Variants in MAP3K7 observed in about 807,000 individuals in gnomAD.
MAP3K7 encodes TGF-beta activated kinase 1.
MAP3K7 carries 21 observed loss-of-function variants against 84.8 expected under a neutral mutation model. That is an observed-to-expected ratio of 0.25 (90% CI 0.18 to 0.36). MAP3K7 has a LOEUF of 0.36. MAP3K7 is among the 10% of genes least tolerant of loss of function. The pLI is 1.00. For synonymous variants in MAP3K7, 241 were observed against 247.7 expected (o/e 0.97, Z 0.25); for missense variants, 503 against 747.7 (o/e 0.67, Z 3.82).
chr6:90,560,268 A>G, intron 4 of MAP3K7, 54 bp from the exon 5 acceptor site: 5 of 1,592,038 alleles, frequency 3.1e-6, no homozygotes, highest in Non-Finnish European at 4.3e-6. Flanking sequence ...AACAAAAGAC[A>G]CAATGTGAAT....
chr6:90,523,904 C>G, intron 13 of MAP3K7, 121 bp from the exon 14 acceptor site: 1 of 608,350 alleles, frequency 1.6e-6, no homozygotes, highest in Non-Finnish European at 3.0e-6. Context: ...TTGTAAACAA[C>G]AAAATAAATC....
chr6:90,525,291 GAGAA>G (rs1318328367), intron 13 of MAP3K7, among the ~76,000 whole-genome samples: 1 of 152,098 alleles, frequency 6.6e-6, no homozygotes, highest in African/African-American at 2.4e-5. Context: ...AAAATTACTA[GAGAA>G]AGAGATAATA....
chr6:90,529,570 G>C (rs1775433082), intron 13 of MAP3K7, among the ~76,000 whole-genome samples: 1 of 152,156 alleles, frequency 6.6e-6, no homozygotes, highest in African/African-American at 2.4e-5. Flanking sequence ...TTTCTAACTA[G>C]TACAGCTTTG....
chr6:90,534,215 T>C (rs1254317382), intron 13 of MAP3K7, among the ~76,000 whole-genome samples: 5 of 152,172 alleles, frequency 3.3e-5, no homozygotes, highest in Non-Finnish European at 7.3e-5. Context: ...CCTTCCAATT[T>C]TGAAAACACA....
intron 1 of MAP3K7, among the ~76,000 whole-genome samples, chr6:90,585,171 A>G (rs577703326): frequency 6.6e-6 from 1 of 152,346 alleles, no homozygotes; most frequent in East Asian, 1.9e-4. Flanking sequence ...CAAAGGGGTT[A>G]GGAAACTTGC....
At chr6:90,542,601 T>A (rs1775888004) in intron 12 of MAP3K7, 1 of 511,770 alleles carries the variant, frequency 2.0e-6, no homozygotes, top group African/African-American at 2.1e-5. Context: ...GGATGTGACT[T>A]GGAGTCAGAA....
At chr6:90,529,087 C>CT (rs1436928626) in intron 13 of MAP3K7, among the ~76,000 whole-genome samples, 1 of 152,138 alleles carries the variant, frequency 6.6e-6, no homozygotes, top group Non-Finnish European at 1.5e-5. Context: ...CATGGAGTGC[C>CT]TAACAGTGTA....
At chr6:90,531,939 G>C (rs1211316051) in intron 13 of MAP3K7, among the ~76,000 whole-genome samples, 2 of 150,934 alleles carry the variant, frequency 1.3e-5, no homozygotes, top group Non-Finnish European at 2.9e-5. Context: ...CTGGCTGACA[G>C]CGGGGACTGT....
intron 2 of MAP3K7, among the ~76,000 whole-genome samples, chr6:90,570,124 C>T (rs1023430839): frequency 6.5e-4 from 99 of 152,024 alleles, no homozygotes; most frequent in African/African-American, 2.2e-3. Context: ...GCATTTTTTC[C>T]TCCTCTCTCC....
At chr6:90,558,105 G>A (rs1369172453) in intron 5 of MAP3K7, among the ~76,000 whole-genome samples, 3 of 151,916 alleles carry the variant, frequency 2.0e-5, no homozygotes. Context: ...GGCAGATCAC[G>A]AGGTCAGGAG....
chr6:90,551,792 T>C (rs933427642), intron 8 of MAP3K7: 3 of 309,074 alleles, frequency 9.7e-6, no homozygotes, highest in Non-Finnish European at 1.8e-5. Context: ...CAAACATACT[T>C]GTCCACTAAT....
chr6:90,540,163 A>G (rs1775810168), intron 12 of MAP3K7, among the ~76,000 whole-genome samples: 1 of 151,940 alleles, frequency 6.6e-6, no homozygotes. Flanking sequence ...AAACATTTGT[A>G]TATTCAATCT....
chr6:90,516,378 T>C lies in MAP3K7; in HGVS notation c.*123A>G, dbSNP rs1234385702. On this transcript the variant is annotated 3_prime_UTR_variant, in exon 17 of 17. Coordinates refer to ENST00000369329, the MANE Select transcript of MAP3K7 (RefSeq NM_145331.3). The stretch of plus-strand genomic sequence containing the variant: ...AACAATGAAAAAAATGCAGCAAATA[T>C]AGGCAGTTGGCATTCAGAACACGCC... 13 of 910,590 alleles carry C rather than the reference T, an allele frequency of 1.4e-5. No individual in the cohort carries two copies. The highest frequency in any genetic ancestry group is 7.5e-5 in the South Asian group (5 of 67,066). The allele number at this position is 910,590 out of a possible 1,614,324, so 56.4% of individuals were successfully genotyped here. A position where few individuals can be genotyped will look rare whatever the true frequency, so the allele number is the denominator to read the frequency against.
chr6:90,531,492 T>C (rs930242758), intron 13 of MAP3K7, among the ~76,000 whole-genome samples: 25 of 152,216 alleles, frequency 1.6e-4, no homozygotes, highest in Admixed American at 3.3e-4. Context: ...GTACTTATTA[T>C]GGTAGTTACA....
chr6:90,569,196 A>G (rs1776817904), intron 2 of MAP3K7, among the ~76,000 whole-genome samples: 1 of 152,216 alleles, frequency 6.6e-6, no homozygotes, highest in South Asian at 2.1e-4. Context: ...GACCTGTTCT[A>G]TAGCTAAGAA....
chr6:90,558,847 G>T (rs754061567), intron 5 of MAP3K7, among the ~76,000 whole-genome samples: 2 of 152,158 alleles, frequency 1.3e-5, no homozygotes, highest in Non-Finnish European at 2.9e-5. Context: ...GGAGAAAAGG[G>T]ATACTTTTGG....
At chr6:90,533,743 T>C (rs1168145232) in intron 13 of MAP3K7, among the ~76,000 whole-genome samples, 2 of 152,164 alleles carry the variant, frequency 1.3e-5, no homozygotes, top group Admixed American at 6.5e-5. Flanking sequence ...TTATGTCCAA[T>C]AAGACAGTAA....
At chr6:90,551,287 A>G (rs986756614) in intron 8 of MAP3K7, 15 of 152,276 alleles carry the variant, frequency 9.9e-5, no homozygotes, top group Admixed American at 8.5e-4. Flanking sequence ...CATTTAGGAA[A>G]TTACTTAGTC....
rs1775944847 is a variant in MAP3K7 at position 90,544,577 on chromosome 6, C to T, written c.1266G>A (p.Leu422=). ...HRKTASFGNI[L]DVPEIVISGN... is the part of the protein sequence containing the mutation. ...CTGATATGACGATCTCAGGGACATCCAGAATGTTGCCAAATGAAGCAGTTT... is the reference window on the plus strand; with the variant it reads ...CTGATATGACGATCTCAGGGACATCTAGAATGTTGCCAAATGAAGCAGTTT... The change falls in exon 12 of 17, where the codon CTG becomes CTA. Residue 422 remains leucine (L), a synonymous_variant. Transcript: ENST00000369329. 1 of 1,612,492 alleles carries T rather than the reference C, an allele frequency of 6.2e-7. No homozygotes were observed. The highest frequency in any genetic ancestry group is 8.5e-7 in the Non-Finnish European group (1 of 1,178,894).
Sources: gnomAD v4.1 joint callset for allele counts (sites outside exome capture counted in the v4.1 genomes callset) on GRCh38, gnomAD v4.1.1 for gene constraint, MANE v1.5 for transcripts, NCBI Gene and HGNC (gene_info 2026-07-23, HGNC 2026-07-21) for gene names.